The following SGCZ variants were observed in gnomAD, a reference collection of about 807,000 sequenced individuals.
SGCZ encodes the protein zeta-sarcoglycan.
In SGCZ, 40 loss-of-function variants were observed where a neutral mutation model predicts 41.3. That is an observed-to-expected ratio of 0.97 (90% CI 0.75 to 1.26). SGCZ has a LOEUF of 1.26. Ranked by LOEUF, SGCZ falls within the 50% of genes most tolerant of loss-of-function variation. The probability of loss-of-function intolerance (pLI) is 0.00; values close to 1 mark genes in which losing one functional copy is unlikely to be tolerated. For missense variants in SGCZ, 552 were observed against 369.8 expected, an observed-to-expected ratio of 1.49 and a Z score of -4.04; for synonymous variants, 206 against 137.5, an observed-to-expected ratio of 1.50 and a Z score of -3.49.
At chr8:14,999,930 T>C (rs1802354320) in intron 1 of SGCZ, among the ~76,000 whole-genome samples, 1 of 152,168 alleles carries the variant, frequency 6.6e-6, no homozygotes, top group South Asian at 2.1e-4. Context: ...ACGGGCTGAA[T>C]GCCTTCTTCC....
intron 2 of SGCZ, among the ~76,000 whole-genome samples, chr8:14,460,955 G>A (rs1419764941): frequency 1.3e-5 from 2 of 152,074 alleles, no homozygotes; most frequent in African/African-American, 4.8e-5. Flanking sequence ...ATCAGATCCT[G>A]AACCTAGATT....
chr8:14,687,937 G>C (rs1340206958), intron 1 of SGCZ, among the ~76,000 whole-genome samples: 2 of 152,190 alleles, frequency 1.3e-5, no homozygotes, highest in African/African-American at 4.8e-5. Flanking sequence ...GCATTTCTCT[G>C]ATAGACTGTA....
chr8:14,273,311 G>A (rs762138194), intron 3 of SGCZ, among the ~76,000 whole-genome samples: 1 of 152,098 alleles, frequency 6.6e-6, no homozygotes, highest in African/African-American at 2.4e-5. Flanking sequence ...CTTTGAAAAT[G>A]ACCTAATATT....
chr8:15,003,354 A>T (rs11203671), intron 1 of SGCZ, among the ~76,000 whole-genome samples: 83,310 of 151,858 alleles, frequency 0.55, 23,022 homozygotes, highest in South Asian at 0.59. Context: ...AGTCTCAAGT[A>T]TATCTTTATT....
At chr8:15,056,048 A>G (rs1159769726) in intron 1 of SGCZ, among the ~76,000 whole-genome samples, 1 of 152,222 alleles carries the variant, frequency 6.6e-6, no homozygotes, top group East Asian at 1.9e-4. Context: ...ATCTGTTTAG[A>G]AAATGCATTT....
rs1806005325 is a variant in SGCZ, at chr8:14,216,706, C to T, written c.424+20886G>A. 3.3e-5 allele frequency among the ~76,000 whole-genome samples: 5 copies of T among 151,312 alleles called. No individual in the cohort carries two copies. The South Asian group carries it at 1.0e-3, about 32-fold the overall frequency. ...TCAACACCCATTTGTGATAAAAACTCTCAGCAAACTAGAAATAGAAGAAAT... is the reference window on the plus strand; with the variant it reads ...TCAACACCCATTTGTGATAAAAACTTTCAGCAAACTAGAAATAGAAGAAAT... On this transcript the variant is annotated intron_variant, in intron 4 of 7. Coordinates refer to ENST00000382080, the MANE Select transcript of SGCZ (RefSeq NM_139167.4).
chr8:14,600,319 T>A (rs1563143692), intron 1 of SGCZ, among the ~76,000 whole-genome samples: 1 of 152,212 alleles, frequency 6.6e-6, no homozygotes, highest in Admixed American at 6.5e-5. Context: ...GGCATCTATA[T>A]ACTGATGACT....
intron 1 of SGCZ, among the ~76,000 whole-genome samples, chr8:14,914,721 C>T (rs1799376237): frequency 6.6e-6 from 1 of 152,108 alleles, no homozygotes; most frequent in Admixed American, 6.6e-5. Context: ...AAAAAGCAGG[C>T]AAATCCAGAA....
At chr8:14,751,840 C>T (rs1434113285) in intron 1 of SGCZ, among the ~76,000 whole-genome samples, 1 of 151,578 alleles carries the variant, frequency 6.6e-6, no homozygotes, top group Non-Finnish European at 1.5e-5. Context: ...TGAGCCACTG[C>T]ACCCGGCCAT....
chr8:14,862,657 G>T (rs1193331444), intron 1 of SGCZ, among the ~76,000 whole-genome samples: 5 of 147,760 alleles, frequency 3.4e-5, no homozygotes, highest in Middle Eastern at 3.6e-3. Context: ...CCACTTTTGT[G>T]TTTGGACTCA....
At chr8:14,095,143 G>C (rs1357320332) in intron 7 of SGCZ, among the ~76,000 whole-genome samples, 1 of 152,094 alleles carries the variant, frequency 6.6e-6, no homozygotes, top group East Asian at 1.9e-4. Context: ...GATCCTATTT[G>C]TCAATACTGG....
At chr8:14,404,867 G>T (rs902794513) in intron 2 of SGCZ, among the ~76,000 whole-genome samples, 1 of 152,216 alleles carries the variant, frequency 6.6e-6, no homozygotes, top group African/African-American at 2.4e-5. Context: ...ACTCAAGTGA[G>T]ACTGGGAGCA....
chr8:14,757,668 C>T (rs552324517), intron 1 of SGCZ, among the ~76,000 whole-genome samples: 2 of 152,196 alleles, frequency 1.3e-5, no homozygotes, highest in Non-Finnish European at 2.9e-5. Flanking sequence ...TTCGGTTTCA[C>T]AGCAACTCTA....
chr8:14,899,080 G>A (rs897675300), intron 1 of SGCZ, among the ~76,000 whole-genome samples: 1 of 152,064 alleles, frequency 6.6e-6, no homozygotes, highest in Admixed American at 6.5e-5. Context: ...AAAAGGAACT[G>A]TAATTTTTTT....
intron 2 of SGCZ, among the ~76,000 whole-genome samples, chr8:14,476,319 C>A (rs965360300): frequency 5.9e-5 from 9 of 152,040 alleles, no homozygotes; most frequent in Non-Finnish European, 1.2e-4. Flanking sequence ...GGTTCTCCAG[C>A]TTACAGACAG....
At chr8:14,445,174 A>G (rs1240521226) in intron 2 of SGCZ, among the ~76,000 whole-genome samples, 1 of 152,198 alleles carries the variant, frequency 6.6e-6, no homozygotes, top group Non-Finnish European at 1.5e-5. Flanking sequence ...GAGGTAGACA[A>G]ATGCCTAGGC....
At chr8:14,821,252 T>C (rs1210932352) in intron 1 of SGCZ, among the ~76,000 whole-genome samples, 1 of 152,010 alleles carries the variant, frequency 6.6e-6, no homozygotes, top group African/African-American at 2.4e-5. Context: ...ATACACTGTC[T>C]ACTAAAATTA....
chr8:15,090,617 G>A (rs1806122094), intron 1 of SGCZ, among the ~76,000 whole-genome samples: 1 of 151,840 alleles, frequency 6.6e-6, no homozygotes, highest in Non-Finnish European at 1.5e-5. Flanking sequence ...TGAAGATTAA[G>A]AGCCAGAGAA....
intron 1 of SGCZ, among the ~76,000 whole-genome samples, chr8:15,009,786 C>T (rs1802762674): frequency 6.6e-6 from 1 of 151,978 alleles, no homozygotes; most frequent in African/African-American, 2.4e-5. Flanking sequence ...ATTTGAATGA[C>T]CTGGTATTTC....
Sources: gnomAD v4.1 joint callset for allele counts (sites outside exome capture counted in the v4.1 genomes callset) on GRCh38, gnomAD v4.1.1 for gene constraint, MANE v1.5 for transcripts, NCBI Gene and HGNC (gene_info 2026-07-23, HGNC 2026-07-21) for gene names.